The following CSMD2 variants were observed in gnomAD, a reference collection of about 807,000 sequenced individuals.
CSMD2 encodes the protein CUB and Sushi multiple domains 2.
CSMD2 carries 130 observed loss-of-function variants against 398.5 expected under a neutral mutation model. The ratio of observed to expected loss-of-function variants is 0.33; its 90% CI spans 0.28 to 0.38. CSMD2 has a LOEUF of 0.38. CSMD2 is among the 10% of genes least tolerant of loss of function. The probability of loss-of-function intolerance (pLI) is 1.00; values close to 1 mark genes in which losing one functional copy is unlikely to be tolerated. For synonymous variants in CSMD2, 1,828 were observed against 1,908.5 expected (o/e 0.96, Z 1.10); for missense variants, 3,829 against 4,764.9 (o/e 0.80, Z 5.78).
At chr1:33,986,941 T>G (rs1323615478) in intron 3 of CSMD2, among the ~76,000 whole-genome samples, 1 of 152,108 alleles carries the variant, frequency 6.6e-6, no homozygotes, top group East Asian at 1.9e-4. Context: ...CTCGTGTGTG[T>G]GTGTAAGGCT....
rs1208549038 is a variant in CSMD2, at chr1:33,652,369, T to C, written c.4540A>G (p.Lys1514Glu). Residue 1514 changes from lysine (K) to glutamate (E), a missense_variant, in exon 28 of 71, where the codon AAA becomes GAA. By Grantham distance (56) the Lys-to-Glu change is moderately conservative. Coordinates refer to ENST00000373381, the MANE Select transcript of CSMD2 (RefSeq NM_001281956.2). The stretch of plus-strand genomic sequence containing the variant: ...ACGTAGTCTGGTGAGACGGTCACTT[T>C]CCAGTCACACTCCTTGCCTGGCGGG... ...PYPPGKECDW[K>E]VTVSPDYVIA... The C allele has an allele frequency of 6.2e-7, 1 of 1,614,162 alleles. No homozygotes were observed. The highest frequency in any genetic ancestry group is 1.1e-5 in the South Asian group (1 of 91,088).
intron 1 of CSMD2, among the ~76,000 whole-genome samples, chr1:34,162,547 G>T (rs116435619): frequency 0.017 from 2,547 of 152,206 alleles, 77 homozygotes; most frequent in African/African-American, 0.059. Flanking sequence ...CCCATCTAAA[G>T]GCGGGAAAGG....
chr1:33,966,872 T>C (rs1056163065), intron 3 of CSMD2, among the ~76,000 whole-genome samples: 2 of 152,172 alleles, frequency 1.3e-5, no homozygotes, highest in African/African-American at 2.4e-5. Flanking sequence ...TGACTCTCTG[T>C]GGAAATGCGC....
At chr1:33,773,671 GGAA>G (rs1461044481) in intron 12 of CSMD2, among the ~76,000 whole-genome samples, 1 of 152,198 alleles carries the variant, frequency 6.6e-6, no homozygotes, top group African/African-American at 2.4e-5. Flanking sequence ...GAGGGGAGGA[GGAA>G]GAAGAGGGAA....
chr1:34,072,766 G>A lies in CSMD2; in HGVS notation c.404+16211C>T, dbSNP rs139636969. 2.9e-3 allele frequency among the ~76,000 whole-genome samples: 437 copies of A among 152,200 alleles called. 1 individual carries two copies. Among genetic ancestry groups the A allele is most frequent in the African/African-American group, 1.0e-2 (414 of 41,534 alleles). On this transcript the variant is annotated intron_variant, in intron 2 of 70. Coordinates refer to ENST00000373381, the MANE Select transcript of CSMD2 (RefSeq NM_001281956.2). ...GATTGCTCAGGACCCCGACACTGCT[G>A]CCCACCTGGCTTTGTGTATCACCTG...
chr1:33,959,637 T>G (rs540408739), intron 3 of CSMD2, among the ~76,000 whole-genome samples: 3 of 152,250 alleles, frequency 2.0e-5, no homozygotes, highest in Admixed American at 1.3e-4. Flanking sequence ...CTTGACTCCT[T>G]CCATAGGGGC....
At chr1:33,975,821 G>A (rs944156972) in intron 3 of CSMD2, among the ~76,000 whole-genome samples, 2 of 152,300 alleles carry the variant, frequency 1.3e-5, no homozygotes, top group Middle Eastern at 3.4e-3. Context: ...AACTGAATCT[G>A]AGCTCTGCTT....
At chr1:33,975,427 T>C (rs1380582031) in intron 3 of CSMD2, among the ~76,000 whole-genome samples, 1 of 151,816 alleles carries the variant, frequency 6.6e-6, no homozygotes, top group African/African-American at 2.4e-5. Flanking sequence ...TTTAAATAAA[T>C]GAATAGATCC....
chr1:34,147,392 G>A (rs1639875783), intron 1 of CSMD2, among the ~76,000 whole-genome samples: 2 of 152,342 alleles, frequency 1.3e-5, no homozygotes, highest in South Asian at 4.1e-4. Flanking sequence ...TGAAGAGGGG[G>A]AGGGGAGGGA....
chr1:33,574,536 G>T (rs563562852), intron 49 of CSMD2, among the ~76,000 whole-genome samples: 1 of 152,258 alleles, frequency 6.6e-6, no homozygotes, highest in African/African-American at 2.4e-5. Context: ...GAACTTTTTC[G>T]CTTAGAGCCA....
At chr1:33,733,070 G>A (rs1468161496) in intron 15 of CSMD2, among the ~76,000 whole-genome samples, 1 of 152,188 alleles carries the variant, frequency 6.6e-6, no homozygotes, top group Non-Finnish European at 1.5e-5. Context: ...ACCACTCTGG[G>A]TGGACGTGGG....
intron 3 of CSMD2, among the ~76,000 whole-genome samples, chr1:33,965,178 T>C (rs1210881190): frequency 6.6e-6 from 1 of 152,142 alleles, no homozygotes; most frequent in East Asian, 1.9e-4. Flanking sequence ...TTCTCTCCAC[T>C]CATCCTCTTC....
intron 1 of CSMD2, among the ~76,000 whole-genome samples, chr1:34,132,411 A>G (rs1663453099): frequency 6.6e-6 from 1 of 150,840 alleles, no homozygotes; most frequent in Admixed American, 6.6e-5. Context: ...TCTTCTGATT[A>G]AGACCCAAAT....
intron 22 of CSMD2, among the ~76,000 whole-genome samples, chr1:33,705,495 GTTCT>G (rs1303035549): frequency 6.6e-6 from 1 of 152,126 alleles, no homozygotes; most frequent in Non-Finnish European, 1.5e-5. Flanking sequence ...TTGGGAGATG[GTTCT>G]TTATTTTTCT....
At chr1:34,155,734 C>A (rs945398161) in intron 1 of CSMD2, among the ~76,000 whole-genome samples, 2 of 152,140 alleles carry the variant, frequency 1.3e-5, no homozygotes, top group Admixed American at 1.3e-4. Flanking sequence ...CCAAGCAGCC[C>A]GAGCCCTGGG....
rs546236150 is a variant in CSMD2, at chr1:33,514,236, C to T, written c.*2388G>A. The T allele has an allele frequency of 2.6e-4, 39 of 151,042 alleles. No homozygotes were observed. The East Asian group carries it at 6.4e-3, about 25-fold the overall frequency. The allele number at this position is 151,042 out of a possible 1,614,324, so 9.4% of individuals were successfully genotyped here. A position where few individuals can be genotyped will look rare whatever the true frequency, so the allele number is the denominator to read the frequency against. On this transcript the variant is annotated 3_prime_UTR_variant, in exon 71 of 71. Transcript: ENST00000373381. ...CATTTTATTACATTTACAAAAAAGGCTTCCACTACCGTTTACCTACAATAA... is the reference window on the plus strand; with the variant it reads ...CATTTTATTACATTTACAAAAAAGGTTTCCACTACCGTTTACCTACAATAA...
intron 3 of CSMD2, among the ~76,000 whole-genome samples, chr1:33,987,223 A>C (rs559107101): frequency 6.6e-6 from 1 of 152,134 alleles, no homozygotes; most frequent in Non-Finnish European, 1.5e-5. Flanking sequence ...TCCCTTATCT[A>C]TAAAACAAGT....
chr1:34,051,508 T>C (rs2148224721), intron 2 of CSMD2, among the ~76,000 whole-genome samples: 1 of 152,284 alleles, frequency 6.6e-6, no homozygotes, highest in South Asian at 2.1e-4. Flanking sequence ...CACACATACA[T>C]ATATATTAAG....
At chr1:34,105,428 T>C (rs780881099) in intron 1 of CSMD2, among the ~76,000 whole-genome samples, 3 of 152,076 alleles carry the variant, frequency 2.0e-5, no homozygotes, top group Non-Finnish European at 2.9e-5. Flanking sequence ...CATATTGGAG[T>C]TCCTAATGAA....
Sources: allele counts gnomAD v4.1 joint callset (sites outside exome capture counted in the v4.1 genomes callset), GRCh38; gene constraint gnomAD v4.1.1; transcripts MANE v1.5; gene names NCBI Gene and HGNC (gene_info 2026-07-23, HGNC 2026-07-21).